Variants in NALCN observed in about 807,000 individuals in gnomAD.
The protein encoded by NALCN is sodium leak channel, non-selective.
A neutral mutation model predicts 225.3 loss-of-function variants in NALCN; 111 were observed. That is an observed-to-expected ratio of 0.49 (90% CI 0.42 to 0.58). The LOEUF (loss-of-function observed/expected upper bound fraction) is 0.58, where lower values mean the gene tolerates loss of function less well. NALCN is among the 20% of genes least tolerant of loss of function. The pLI is 0.00. For synonymous variants in NALCN, 764 were observed against 769.0 expected (o/e 0.99, Z 0.11); for missense variants, 1,378 against 2,202.4 (o/e 0.63, Z 7.49).
At chr13:101,066,124 G>C (rs1229252485) in intron 39 of NALCN, among the ~76,000 whole-genome samples, 2 of 151,974 alleles carry the variant, frequency 1.3e-5, no homozygotes, top group South Asian at 2.1e-4. Flanking sequence ...TCAGGAGTTC[G>C]AGACCAGCCT....
Position 101,074,676 on chromosome 13 carries a change from G to T in NALCN, c.3955-14C>A, listed in dbSNP as rs765178153. ...CTTTAGCGTTACCTGGGGACCAGGGGTGGGAAGCGGGGAGACAGAGAGAGA... is the reference window on the plus strand; with the variant it reads ...CTTTAGCGTTACCTGGGGACCAGGGTTGGGAAGCGGGGAGACAGAGAGAGA... On this transcript the variant is annotated splice_polypyrimidine_tract_variant and intron_variant, in intron 35 of 43. Coordinates refer to ENST00000251127, the MANE Select transcript of NALCN (RefSeq NM_052867.4). 3.1e-6 allele frequency: 5 copies of T among 1,597,394 alleles called. No individual in the cohort carries two copies. Among genetic ancestry groups the T allele is most frequent in the African/African-American group, 1.4e-5 (1 of 73,654 alleles).
At chr13:101,216,857 A>T (rs1360642117) in intron 13 of NALCN, among the ~76,000 whole-genome samples, 6 of 152,172 alleles carry the variant, frequency 3.9e-5, no homozygotes, top group African/African-American at 1.4e-4. Flanking sequence ...GACATATTTT[A>T]TAAGTGAAAA....
chr13:101,377,098 T>A, intron 4 of NALCN, 42 bp from the exon 5 acceptor site: 1 of 1,612,724 alleles, frequency 6.2e-7, no homozygotes, highest in Non-Finnish European at 8.5e-7. Flanking sequence ...GATTTTCCCT[T>A]AGCATTGCTT....
chr13:101,102,663 T>C (rs1016416358), intron 26 of NALCN, among the ~76,000 whole-genome samples: 1 of 152,214 alleles, frequency 6.6e-6, no homozygotes, highest in East Asian at 1.9e-4. Context: ...ATTACTGTAA[T>C]GCTGAAGTTA....
rs138392540 is a variant in NALCN at position 101,227,940 on chromosome 13, C to T, written c.1626+1453G>A. Among the ~76,000 whole-genome samples, 428 of 152,324 alleles carry T rather than the reference C, an allele frequency of 2.8e-3. 2 individuals carry two copies. The highest frequency in any genetic ancestry group is 4.2e-3 in the Non-Finnish European group (287 of 68,034). ...TTGCACTTCCTTTGGCTACATCCAG[C>T]CATTGGAGTCACCTGTTCCCATAAG... On this transcript the variant is annotated intron_variant, in intron 13 of 43. Transcript: ENST00000251127.
intron 1 of NALCN, among the ~76,000 whole-genome samples, chr13:101,399,774 T>C (rs2047414155): frequency 6.6e-6 from 1 of 152,164 alleles, no homozygotes. Flanking sequence ...GTTCATGAAA[T>C]TACATTGAGG....
At chr13:101,265,551 C>T (rs915043937) in intron 10 of NALCN, among the ~76,000 whole-genome samples, 1 of 152,168 alleles carries the variant, frequency 6.6e-6, no homozygotes, top group African/African-American at 2.4e-5. Flanking sequence ...GGGCTTCTCA[C>T]GCAATTAAAA....
Position 101,292,309 on chromosome 13 carries a change from A to G in NALCN, c.857T>C (p.Met286Thr). The G allele has an allele frequency of 6.2e-7, 1 of 1,614,136 alleles. No individual in the cohort carries two copies. The highest frequency in any genetic ancestry group is 8.5e-7 in the Non-Finnish European group (1 of 1,180,018). The change falls in exon 8 of 44, where the codon ATG becomes ACG. Residue 286 changes from methionine to threonine, a missense_variant. By Grantham distance (81) the Met-to-Thr change is moderately conservative. Around this residue, in one of 19 missense-constraint regions of NALCN, gnomAD observed 12 missense variants for 74.3 expected, o/e 0.16. Transcript: ENST00000251127. The surrounding 1 kb of genome is among the most constrained non-coding windows in gnomAD (Gnocchi z 4.3). The stretch of plus-strand genomic sequence containing the variant: ...GGGAAAGCTGTCAATTGCTCTGTAC[A>G]TGAGGAACACCCAGCCTTCCTGTGA... ...AASQEGWVFL[M>T]YRAIDSFPRW...
chr13:101,151,329 T>A (rs1373250666), intron 15 of NALCN, among the ~76,000 whole-genome samples: 1 of 152,254 alleles, frequency 6.6e-6, no homozygotes, highest in Non-Finnish European at 1.5e-5. Context: ...CAGTTTCAGT[T>A]CCTTTCTGAT....
chr13:101,142,096 TA>T (rs2037109989), intron 17 of NALCN, among the ~76,000 whole-genome samples: 1 of 150,886 alleles, frequency 6.6e-6, no homozygotes, highest in Admixed American at 6.6e-5. Context: ...TGTGTATATA[TA>T]AATATGTTTA....
At chr13:101,186,610 T>C (rs1232884580) in intron 14 of NALCN, among the ~76,000 whole-genome samples, 5 of 152,174 alleles carry the variant, frequency 3.3e-5, no homozygotes, top group African/African-American at 7.2e-5. Flanking sequence ...TTTAGTTATA[T>C]AGTGTTTCCT....
intron 11 of NALCN, among the ~76,000 whole-genome samples, chr13:101,241,076 C>A (rs1222153678): frequency 6.6e-6 from 1 of 152,086 alleles, no homozygotes; most frequent in Middle Eastern, 3.2e-3. Flanking sequence ...ATTAGCACAC[C>A]TTTAAAAGTA....
chr13:101,086,854 G>C (rs984953932), intron 30 of NALCN, among the ~76,000 whole-genome samples: 1 of 151,988 alleles, frequency 6.6e-6, no homozygotes, highest in East Asian at 1.9e-4. Flanking sequence ...CCCAATAATA[G>C]TGTTTGTTTA....
chr13:101,236,157 G>A (rs4365164), intron 12 of NALCN, among the ~76,000 whole-genome samples: 94,033 of 151,982 alleles, frequency 0.62, 29,759 homozygotes, highest in East Asian at 0.95. Flanking sequence ...AAAACACATG[G>A]AAAAATGCTC....
chr13:101,281,659 A>C (rs1383359422), intron 10 of NALCN, among the ~76,000 whole-genome samples: 2 of 152,180 alleles, frequency 1.3e-5, no homozygotes, highest in Admixed American at 1.3e-4. Flanking sequence ...TGACAGAAAT[A>C]AATAACTAAC....
At chr13:101,208,921 T>C (rs1409681635) in intron 13 of NALCN, among the ~76,000 whole-genome samples, 2 of 152,194 alleles carry the variant, frequency 1.3e-5, no homozygotes, top group Non-Finnish European at 2.9e-5. Context: ...TAAACCTCTT[T>C]GCTTTAGAAA....
Position 101,061,971 on chromosome 13 carries a change from T to C in NALCN, c.4752A>G (p.Arg1584=), listed in dbSNP as rs1442930879. The C allele has an allele frequency of 6.2e-7, 1 of 1,613,574 alleles. No individual in the cohort carries two copies. The highest frequency in any genetic ancestry group is 1.3e-5 in the African/African-American group (1 of 74,934). Residue 1584 remains arginine (R), a synonymous_variant, in exon 41 of 44, where the codon AGA becomes AGG. Coordinates refer to ENST00000251127, the MANE Select transcript of NALCN (RefSeq NM_052867.4). The stretch of plus-strand genomic sequence containing the variant: ...TGCATGTGTGCAGTTCACTCACAGC[T>C]CTGATGCGCTTCAGGCACTTCTTGA... ...MWLKKCLKRI[R]AKQQQSCSII...
intron 13 of NALCN, among the ~76,000 whole-genome samples, chr13:101,228,595 C>T (rs1316918168): frequency 6.6e-6 from 1 of 152,172 alleles, no homozygotes; most frequent in Non-Finnish European, 1.5e-5. Flanking sequence ...TAAGATGTGC[C>T]TTTCACCTTC....
chr13:101,060,275 G>GTTTTTTCTTTTTTTTTTT (rs2031762575), intron 41 of NALCN, among the ~76,000 whole-genome samples: 1 of 79,854 alleles, frequency 1.3e-5, no homozygotes, highest in Admixed American at 1.4e-4. Flanking sequence ...GGTGTTTTCT[G>GTTTTTTCTTTTTTTTTTT]TTTTTTTTTT....
Sources: allele counts gnomAD v4.1 joint callset (sites outside exome capture counted in the v4.1 genomes callset), GRCh38; gene constraint gnomAD v4.1.1; regional missense constraint gnomAD v4.1.1; non-coding constraint Gnocchi (gnomAD v3.1); transcripts MANE v1.5; gene names NCBI Gene and HGNC (gene_info 2026-07-23, HGNC 2026-07-21).